AP3S1: variants seen among roughly 807,000 people sequenced by gnomAD.
The protein encoded by AP3S1 is adaptor related protein complex 3 subunit sigma 1, also known as AP-3 complex subunit sigma-1.
Under a neutral mutation model 21.3 loss-of-function variants are expected in AP3S1, and 12 were observed. The observed-to-expected ratio is 0.56, with a 90% CI of 0.36 to 0.91. The LOEUF (loss-of-function observed/expected upper bound fraction) is 0.91, where lower values mean the gene tolerates loss of function less well. Ranked by LOEUF, AP3S1 falls within the 40% of genes least tolerant of loss-of-function variation. The pLI is 0.01. For synonymous variants in AP3S1, 48 were observed against 78.4 expected (o/e 0.61, Z 2.05); for missense variants, 116 against 225.0 (o/e 0.52, Z 3.10).
intron 1 of AP3S1, among the ~76,000 whole-genome samples, chr5:115,854,534 G>A (rs1245101022): frequency 2.6e-5 from 4 of 152,094 alleles, no homozygotes; most frequent in Non-Finnish European, 5.9e-5. Flanking sequence ...AGTTAGGCCT[G>A]CCCATGTACA....
intron 3 of AP3S1, among the ~76,000 whole-genome samples, chr5:115,887,338 G>C (rs3797567): frequency 0.39 from 57,998 of 149,842 alleles, 11,707 homozygotes; most frequent in African/African-American, 0.49. Flanking sequence ...AAGACTTTTC[G>C]TATCTTATAA....
intron 3 of AP3S1, among the ~76,000 whole-genome samples, chr5:115,875,150 T>A (rs954901612): frequency 6.6e-5 from 10 of 152,222 alleles, no homozygotes; most frequent in Non-Finnish European, 1.2e-4. Flanking sequence ...TGTTTTTTTT[T>A]AATCTTTCTG....
At chr5:115,867,919 C>CA (rs1321193346) in intron 2 of AP3S1, among the ~76,000 whole-genome samples, 2 of 152,090 alleles carry the variant, frequency 1.3e-5, no homozygotes, top group Non-Finnish European at 2.9e-5. Flanking sequence ...TTTAACCTTA[C>CA]AAAAAATAGA....
At chr5:115,907,012 G>A in intron 5 of AP3S1, 2 of 980,972 alleles carry the variant, frequency 2.0e-6, no homozygotes, top group Non-Finnish European at 2.4e-6. Flanking sequence ...GTTTCTCCTT[G>A]TAGTTTCTTC....
At chr5:115,908,013 A>G (rs1351160375) in intron 5 of AP3S1, among the ~76,000 whole-genome samples, 2 of 152,182 alleles carry the variant, frequency 1.3e-5, no homozygotes, top group Non-Finnish European at 2.9e-5. Context: ...CTGAGAATTG[A>G]TGATTGTGGT....
intron 3 of AP3S1, among the ~76,000 whole-genome samples, chr5:115,892,591 G>T (rs912819597): frequency 1.3e-5 from 2 of 152,120 alleles, no homozygotes; most frequent in Non-Finnish European, 2.9e-5. Context: ...TTACTTTTAG[G>T]ATCTAAAAGT....
At chr5:115,856,400 G>A (rs754858395) in intron 1 of AP3S1, among the ~76,000 whole-genome samples, 2 of 151,216 alleles carry the variant, frequency 1.3e-5, no homozygotes, top group Non-Finnish European at 2.9e-5. Context: ...ATTATAAAAG[G>A]ATCCAATCAA....
chr5:115,851,745 A>G (rs1409808144), intron 1 of AP3S1, among the ~76,000 whole-genome samples: 1 of 151,806 alleles, frequency 6.6e-6, no homozygotes, highest in Admixed American at 6.6e-5. Context: ...ATTTGCAAAT[A>G]TTTTCTCTGA....
At chr5:115,842,361 C>T (rs1761655007) in intron 1 of AP3S1, 1 of 449,328 alleles carries the variant, frequency 2.2e-6, no homozygotes, top group African/African-American at 2.1e-5. Flanking sequence ...GCTTTCCTGG[C>T]TGCGCGGGCG....
At chr5:115,906,754 AAGTC>A (rs1327047916) in intron 5 of AP3S1, 4 of 1,245,144 alleles carry the variant, frequency 3.2e-6, no homozygotes, top group East Asian at 2.6e-5. Context: ...TACTTTTTGA[AAGTC>A]AGTCCTCTTT....
intron 3 of AP3S1, among the ~76,000 whole-genome samples, chr5:115,881,078 T>C (rs1284045244): frequency 6.6e-6 from 1 of 152,194 alleles, no homozygotes; most frequent in African/African-American, 2.4e-5. Flanking sequence ...ACCATTATTT[T>C]GAGCCTGTGT....
chr5:115,857,230 C>G (rs897466315), intron 1 of AP3S1, among the ~76,000 whole-genome samples: 1 of 152,200 alleles, frequency 6.6e-6, no homozygotes, highest in Non-Finnish European at 1.5e-5. Flanking sequence ...GTAGAGCTGA[C>G]TTTTCAGATA....
At chr5:115,853,039 AG>A in intron 1 of AP3S1, 1 of 455,070 alleles carries the variant, frequency 2.2e-6, no homozygotes, top group Non-Finnish European at 4.4e-6. Flanking sequence ...AATTATTTGA[AG>A]AAATGCCAGA....
chr5:115,870,616 T>C (rs887411966), intron 3 of AP3S1, among the ~76,000 whole-genome samples: 2 of 152,240 alleles, frequency 1.3e-5, no homozygotes, highest in African/African-American at 4.8e-5. Flanking sequence ...TGCTTCTTTC[T>C]GCCTTTGAGC....
chr5:115,847,813 G>C (rs2112770614), intron 1 of AP3S1, among the ~76,000 whole-genome samples: 1 of 152,166 alleles, frequency 6.6e-6, no homozygotes, highest in South Asian at 2.1e-4. Flanking sequence ...ATTTTAGATT[G>C]CTTCTGAGGT....
rs145344584 is a variant in AP3S1, at chr5:115,847,601, A to G, written c.69+5495A>G. On this transcript the variant is annotated intron_variant, in intron 1 of 5. Coordinates refer to ENST00000316788, the MANE Select transcript of AP3S1 (RefSeq NM_001284.4). ...GCCATTGCGCTCCAGCCTGGGTGAC[A>G]GAGGAGACCCTGTCTCAACAAATTT... Among the ~76,000 whole-genome samples, 937 of 152,366 alleles carry G rather than the reference A, an allele frequency of 6.1e-3. 9 individuals are homozygous for G. Among genetic ancestry groups the G allele is most frequent in the African/African-American group, 0.022 (895 of 41,592 alleles).
intron 4 of AP3S1, among the ~76,000 whole-genome samples, chr5:115,901,384 C>A (rs1751194098): frequency 7.0e-6 from 1 of 142,568 alleles, no homozygotes. Flanking sequence ...TAGTCATTTG[C>A]CTATATTCTT....
At chr5:115,863,138 A>G (rs1312134954) in intron 1 of AP3S1, among the ~76,000 whole-genome samples, 1 of 151,972 alleles carries the variant, frequency 6.6e-6, no homozygotes, top group African/African-American at 2.4e-5. Flanking sequence ...GGTGGCTCCC[A>G]TCTGTAATCC....
chr5:115,855,697 A>G (rs926570905), intron 1 of AP3S1, among the ~76,000 whole-genome samples: 4 of 152,232 alleles, frequency 2.6e-5, no homozygotes, highest in African/African-American at 4.8e-5. Flanking sequence ...ATACAAAACT[A>G]TAAATTCAAA....
Sources: gnomAD v4.1 joint callset for allele counts (sites outside exome capture counted in the v4.1 genomes callset) on GRCh38, gnomAD v4.1.1 for gene constraint, MANE v1.5 for transcripts, NCBI Gene and HGNC (gene_info 2026-07-23, HGNC 2026-07-21) for gene names.